CLSTN3: variants seen among roughly 807,000 people sequenced by gnomAD.
The protein encoded by CLSTN3 is calsyntenin 3, also known as calsyntenin-3.
In CLSTN3, 36 loss-of-function variants were observed where a neutral mutation model predicts 95.9. The observed-to-expected ratio is 0.38, with a 90% CI of 0.29 to 0.50. CLSTN3 has a LOEUF of 0.50. CLSTN3 is among the 20% of genes least tolerant of loss of function. CLSTN3 has a pLI of 0.95. For missense variants in CLSTN3, 1,084 were observed against 1,268.8 expected, an observed-to-expected ratio of 0.85 and a Z score of 2.21; for synonymous variants, 481 against 504.0, an observed-to-expected ratio of 0.95 and a Z score of 0.61.
intron 16 of CLSTN3, among the ~76,000 whole-genome samples, chr12:7,153,547 G>T (rs1002695930): frequency 2.0e-5 from 3 of 152,226 alleles, no homozygotes; most frequent in Non-Finnish European, 4.4e-5. Flanking sequence ...GCAAAGATTA[G>T]AGAAGTTTCA....
chr12:7,143,246 T>C lies in CLSTN3; in HGVS notation c.1782T>C (p.Ala594=). 6.2e-7 allele frequency: 1 copy of C among 1,613,864 alleles called. No individual in the cohort carries two copies. The highest frequency in any genetic ancestry group is 8.5e-7 in the Non-Finnish European group (1 of 1,180,052). The change falls in exon 12 of 18, where the codon GCT becomes GCC. Residue 594 remains alanine (A), a synonymous_variant. Coordinates refer to ENST00000266546, the MANE Select transcript of CLSTN3 (RefSeq NM_014718.4). ...TCAACCATGCCCTGCAGCATGTGGC[T>C]TACATGAACACTCTGCGCTTTGCCA... is the stretch of plus-strand genomic sequence containing the variant. ...ETFNHALQHV[A]YMNTLRFATP...
chr12:7,146,637 T>C (rs1939625738), intron 12 of CLSTN3, among the ~76,000 whole-genome samples: 2 of 152,074 alleles, frequency 1.3e-5, no homozygotes, highest in African/African-American at 4.8e-5. Flanking sequence ...AGAACTAACC[T>C]CTCCCTCCTC....
In CLSTN3 at chr12:7,149,117, C is replaced by A. The variant is rs1378067647; in HGVS notation, c.1993C>A (p.Pro665Thr). 2 of 1,614,164 alleles carry A rather than the reference C, an allele frequency of 1.2e-6. No individual in the cohort carries two copies. Among genetic ancestry groups the A allele is most frequent in the East Asian group, 4.5e-5 (2 of 44,882 alleles). Residue 665 changes from proline (P) to threonine (T), a missense_variant, in exon 13 of 18, where the codon CCT (proline) becomes ACT (threonine). Physicochemically the swap from Pro to Thr is conservative, Grantham distance 38 (BLOSUM62 -1). Coordinates refer to ENST00000266546, the MANE Select transcript of CLSTN3 (RefSeq NM_014718.4). The surrounding 1 kb of genome is among the most constrained non-coding windows in gnomAD (Gnocchi z 4.5). ...AVDFEGTNGV[P>T]LFPDLQITCS... Reference sequence around the variant, plus strand: ...GGACTTTGAGGGAACCAACGGCGTCCCTTTGTTCCCTGATCTTCAAATCAC... The same window carrying A: ...GGACTTTGAGGGAACCAACGGCGTCACTTTGTTCCCTGATCTTCAAATCAC...
chr12:7,156,761 C>T (rs1338106725), intron 16 of CLSTN3: 1 of 456,490 alleles, frequency 2.2e-6, no homozygotes, highest in Non-Finnish European at 4.4e-6. Flanking sequence ...GGTCCATGCC[C>T]CTCTGAGCCT....
rs758841384 is a variant in CLSTN3 at position 7,158,061 on chromosome 12, A to AC, written c.2858dup (p.His954ThrfsTer163). 7 of 1,530,868 alleles carry AC rather than the reference A, an allele frequency of 4.6e-6. No homozygotes were observed. The highest frequency in any genetic ancestry group is 6.2e-6 in the Non-Finnish European group (7 of 1,135,240). 94.8% of individuals were successfully genotyped at this position (1,530,868 alleles called of 1,614,324 possible). ...CAGCGACGAGAGACGCATCATCGAG[A>AC]CCCCCCCACACCGCTACTAAGGCCT... On this transcript the variant is annotated frameshift_variant, in exon 18 of 18. Coordinates refer to ENST00000266546, the MANE Select transcript of CLSTN3 (RefSeq NM_014718.4). LOFTEE classifies it high-confidence loss of function.
At chr12:7,142,718 CTTTTTTTT>C (rs373132235) in intron 10 of CLSTN3, 143 bp from the exon 11 acceptor site, 11 of 307,018 alleles carry the variant, frequency 3.6e-5, no homozygotes, top group Non-Finnish European at 5.3e-5. Flanking sequence ...CTCTTTTTTC[CTTTTTTTT>C]TTTTTTTTTG....
chr12:7,144,731 A>G (rs1051597754), intron 12 of CLSTN3, among the ~76,000 whole-genome samples: 1 of 152,112 alleles, frequency 6.6e-6, no homozygotes, highest in African/African-American at 2.4e-5. Context: ...AACATCTCAA[A>G]TTTGCCCCTA....
In CLSTN3 at chr12:7,137,288, C is replaced by T. The variant is rs1300982393; in HGVS notation, c.1210+178C>T. On this transcript the variant is annotated intron_variant, in intron 7 of 17. Coordinates refer to ENST00000266546, the MANE Select transcript of CLSTN3 (RefSeq NM_014718.4). The surrounding 1 kb of genome is among the most constrained non-coding windows in gnomAD (Gnocchi z 4.4). ...TTATCCCCAACATGACATGTTGGAT[C>T]GTACTGCTGTCAGAGTGCAATGGGA... 43 of 635,806 alleles carry T rather than the reference C, an allele frequency of 6.8e-5. No homozygotes were observed. In the East Asian group the frequency reaches 1.1e-3, roughly 16 times the overall value. 39.4% of individuals were successfully genotyped at this position (635,806 alleles called of 1,614,324 possible).
At position 7,136,401 on chromosome 12, in the gene CLSTN3, C is replaced by T. The variant is rs1337069512; in HGVS notation, c.928+10C>T. The stretch of plus-strand genomic sequence containing the variant: ...CTGCGGAAACTCTGTGGTAGGTGTG[C>T]CCCCAACACTGCCTCAGGCCTATCC... On this transcript the variant is annotated intron_variant, in intron 6 of 17. Transcript: ENST00000266546. The T allele has an allele frequency of 1.9e-6, 3 of 1,596,732 alleles. No homozygotes were observed. Among genetic ancestry groups the T allele is most frequent in the East Asian group, 4.5e-5 (2 of 44,512 alleles).
Position 7,137,960 on chromosome 12 carries a change from G to A in CLSTN3, c.1216G>A (p.Gly406Ser), listed in dbSNP as rs777585973. ...IVCNTVQNED[G>S]FSHYSLTVHG... ...TCCCCTTCCTGTGCCCTCAGAGGAC[G>A]GCTTCTCTCACTACTCGCTGACTGT... Residue 406 changes from glycine to serine, a missense_variant, in exon 8 of 18, where the codon GGC becomes AGC. Physicochemically the swap from Gly to Ser is moderately conservative, Grantham distance 56 (BLOSUM62 0). Transcript: ENST00000266546. The surrounding 1 kb of genome is among the most constrained non-coding windows in gnomAD (Gnocchi z 4.4). 3.5e-5 allele frequency: 56 copies of A among 1,613,626 alleles called. No individual in the cohort carries two copies. Among genetic ancestry groups the A allele is most frequent in the Non-Finnish European group, 4.2e-5 (49 of 1,179,722 alleles).
In CLSTN3 at chr12:7,150,725, A is replaced by G; in HGVS notation, c.2391+36A>G. The G allele has an allele frequency of 6.2e-7, 1 of 1,601,160 alleles. No homozygotes were observed. ...AGTCTCCTTCCTTCCACAGTTACCCACCCCCAGAAAGGAGCTGAGGTGGCA... is the reference window on the plus strand; with the variant it reads ...AGTCTCCTTCCTTCCACAGTTACCCGCCCCCAGAAAGGAGCTGAGGTGGCA... On this transcript the variant is annotated intron_variant, in intron 15 of 17. Transcript: ENST00000266546. This position sits in a 1 kb window ranked among gnomAD's most constrained non-coding sequence, Gnocchi z 4.0.
chr12:7,131,046 C>T (rs1223535692), intron 1 of CLSTN3: 1 of 463,136 alleles, frequency 2.2e-6, no homozygotes, highest in Non-Finnish European at 4.0e-6. Context: ...GAAGGACTGC[C>T]CCCGAGCCGG....
chr12:7,137,793 T>A lies in CLSTN3; in HGVS notation c.1211-162T>A, dbSNP rs868033977. Among the ~76,000 whole-genome samples the A allele has an allele frequency of 0.013, 914 of 71,112 alleles. 2 individuals are homozygous for A. The highest frequency in any genetic ancestry group is 0.036 in the Middle Eastern group (5 of 138). 46.7% of individuals were successfully genotyped at this position (71,112 alleles called of 152,430 possible). On this transcript the variant is annotated intron_variant, in intron 7 of 17. Coordinates refer to ENST00000266546, the MANE Select transcript of CLSTN3 (RefSeq NM_014718.4). This position sits in a 1 kb window ranked among gnomAD's most constrained non-coding sequence, Gnocchi z 4.4. ...GTGTGTGTGTGTGTGTGTGTGTGTG[T>A]GTGAGAGAGAGAGAGAGAGAGAGAG...
chr12:7,136,859 C>T lies in CLSTN3; in HGVS notation c.959C>T (p.Pro320Leu), dbSNP rs1381449667. The change falls in exon 7 of 18, where the codon CCC becomes CTC. Residue 320 changes from proline to leucine, a missense_variant. Coordinates refer to ENST00000266546, the MANE Select transcript of CLSTN3 (RefSeq NM_014718.4). ...GAATGEVDLL[P>L]MPGPNANWTA... Reference sequence around the variant, plus strand: ...GCCACTGGGGAGGTGGATCTGTTGCCCATGCCTGGCCCCAATGCCAACTGG... The same window carrying T: ...GCCACTGGGGAGGTGGATCTGTTGCTCATGCCTGGCCCCAATGCCAACTGG... 1.9e-6 allele frequency: 3 copies of T among 1,614,006 alleles called. No individual in the cohort carries two copies. The highest frequency in any genetic ancestry group is 1.7e-5 in the Admixed American group (1 of 60,004).
In CLSTN3 at chr12:7,136,989, C is replaced by A; in HGVS notation, c.1089C>A (p.Gly363=). 6.2e-7 allele frequency: 1 copy of A among 1,614,228 alleles called. No homozygotes were observed. The highest frequency in any genetic ancestry group is 1.1e-5 in the South Asian group (1 of 91,082). Residue 363 remains glycine (G), a synonymous_variant, in exon 7 of 18, where the codon GGC becomes GGA. Transcript: ENST00000266546. ...QVPLGGPSGL[G]SGPQDSLSDH... is the part of the protein sequence containing the mutation. ...CCCTGGGTGGCCCCAGTGGGCTGGG[C>A]TCTGGGCCCCAGGACAGCCTCAGTG...
rs969706338 is a variant in CLSTN3, at chr12:7,149,805, C to T, written c.2245+112C>T. On this transcript the variant is annotated intron_variant, in intron 14 of 17. Transcript: ENST00000266546. The surrounding 1 kb of genome is among the most constrained non-coding windows in gnomAD (Gnocchi z 4.5). ...CAGGTCCAGGGATGTGGACAAGTGC[C>T]GTTTTGCATTTTCCTAGCCTGGAAG... is the stretch of plus-strand genomic sequence containing the variant. 9.9e-6 allele frequency: 10 copies of T among 1,012,332 alleles called. No homozygotes were observed. The highest frequency in any genetic ancestry group is 8.5e-6 in the Non-Finnish European group (6 of 702,480). The allele number at this position is 1,012,332 out of a possible 1,614,324, so 62.7% of individuals were successfully genotyped here. A position where few individuals can be genotyped will look rare whatever the true frequency, so the allele number is the denominator to read the frequency against.
At chr12:7,154,317 G>A (rs939923060) in intron 16 of CLSTN3, among the ~76,000 whole-genome samples, 2 of 152,214 alleles carry the variant, frequency 1.3e-5, no homozygotes, top group Non-Finnish European at 2.9e-5. Context: ...GAGGCCCATT[G>A]CTCTAAATCT....
intron 16 of CLSTN3, chr12:7,156,268 T>C (rs1451375279): frequency 1.3e-5 from 6 of 456,666 alleles, no homozygotes; most frequent in Admixed American, 2.4e-5. Context: ...GTGTGTGGGG[T>C]CTCTGCCTCC....
In CLSTN3 at chr12:7,135,826, G is replaced by A. The variant is rs1939402171; in HGVS notation, c.615G>A (p.Lys205=). 2 of 1,610,476 alleles carry A rather than the reference G, an allele frequency of 1.2e-6. No individual in the cohort carries two copies. The highest frequency in any genetic ancestry group is 3.4e-5 in the Admixed American group (2 of 59,208). Residue 205 remains lysine (K), a synonymous_variant, in exon 5 of 18, where the codon AAG becomes AAA. Coordinates refer to ENST00000266546, the MANE Select transcript of CLSTN3 (RefSeq NM_014718.4). ...CAGGGAACATTGAGAACACAGAGAA[G>A]CTGCAGTACAGTGGTGAGAGGCTCT... ...DNDGNIENTE[K]LQYSGERLYK...
Sources: allele counts gnomAD v4.1 joint callset (sites outside exome capture counted in the v4.1 genomes callset), GRCh38; gene constraint gnomAD v4.1.1; non-coding constraint Gnocchi (gnomAD v3.1); transcripts MANE v1.5; gene names NCBI Gene and HGNC (gene_info 2026-07-23, HGNC 2026-07-21).